The following SLCO1A2 variants were observed in gnomAD, a reference collection of about 807,000 sequenced individuals.
SLCO1A2 encodes solute carrier organic anion transporter family member 1A2.
A neutral mutation model predicts 69.0 loss-of-function variants in SLCO1A2; 67 were observed. That is an observed-to-expected ratio of 0.97 (90% CI 0.80 to 1.19). SLCO1A2 has a LOEUF of 1.19. SLCO1A2 is among the 50% of genes most tolerant of loss of function. The pLI, the probability that SLCO1A2 is intolerant of heterozygous loss-of-function variation, is 0.00. For missense variants in SLCO1A2, 787 were observed against 793.7 expected (o/e 0.99, Z 0.10); for synonymous variants, 260 against 265.9 (o/e 0.98, Z 0.22).
intron 13 of SLCO1A2, chr12:21,274,862 G>T: frequency 1.1e-6 from 1 of 949,556 alleles, no homozygotes. Flanking sequence ...TAAATGTTTT[G>T]GGCCAGTTAT....
intron 1 of SLCO1A2, among the ~76,000 whole-genome samples, chr12:21,381,547 C>T (rs747941815): frequency 9.2e-5 from 14 of 152,096 alleles, no homozygotes; most frequent in Admixed American, 8.5e-4. Flanking sequence ...GCTGTAATCC[C>T]GGCACTTTGG....
At chr12:21,296,720 C>T (rs1458797393) in intron 9 of SLCO1A2, among the ~76,000 whole-genome samples, 1 of 152,132 alleles carries the variant, frequency 6.6e-6, no homozygotes, top group East Asian at 1.9e-4. Flanking sequence ...TCTGGCTCCC[C>T]GAATCATATT....
chr12:21,288,442 G>GA (rs1371853199), intron 12 of SLCO1A2, among the ~76,000 whole-genome samples: 7 of 151,296 alleles, frequency 4.6e-5, no homozygotes, highest in South Asian at 2.1e-4. Flanking sequence ...CTCCATCTGA[G>GA]AAAAAAAAGA....
intron 14 of SLCO1A2, among the ~76,000 whole-genome samples, chr12:21,272,582 T>C (rs1221177874): frequency 6.6e-6 from 1 of 152,102 alleles, no homozygotes; most frequent in Non-Finnish European, 1.5e-5. Flanking sequence ...GTTGAAATCA[T>C]TAATATAACT....
chr12:21,273,161 C>CAGTT (rs1393001304), intron 14 of SLCO1A2, among the ~76,000 whole-genome samples: 3 of 152,252 alleles, frequency 2.0e-5, no homozygotes, highest in East Asian at 1.9e-4. Flanking sequence ...ATTTGGGCTG[C>CAGTT]AGTTAGAAAG....
At chr12:21,360,681 C>A (rs1410440621) in intron 2 of SLCO1A2, among the ~76,000 whole-genome samples, 1 of 152,178 alleles carries the variant, frequency 6.6e-6, no homozygotes, top group African/African-American at 2.4e-5. Flanking sequence ...TCGGGACACT[C>A]CCACCCTAAT....
At position 21,275,353 on chromosome 12, in the gene SLCO1A2, T is replaced by C. The variant is rs1248712286; in HGVS notation, c.1675+7A>G. The C allele has an allele frequency of 6.4e-7, 1 of 1,553,352 alleles. No individual in the cohort carries two copies. The highest frequency in any genetic ancestry group is 1.7e-5 in the Admixed American group (1 of 57,690). ...GATAGGATGTGGGAAAAAATAACTA[T>C]TTTTACCAAATACTCTTGTGCAAAA... On this transcript the variant is annotated splice_region_variant and intron_variant, in intron 13 of 14. Transcript: ENST00000683939.
chr12:21,274,680 G>T (rs1282438523), intron 13 of SLCO1A2, 94 bp from the exon 14 acceptor site: 3 of 895,070 alleles, frequency 3.4e-6, no homozygotes, highest in South Asian at 1.6e-5. Context: ...GTACGGCAAA[G>T]TTTATCAAAA....
chr12:21,300,219 T>G, intron 8 of SLCO1A2, 129 bp downstream of exon 8: 1 of 589,268 alleles, frequency 1.7e-6, no homozygotes, highest in Admixed American at 3.5e-5. Context: ...TTAGGTATTC[T>G]TGACTGGTGA....
intron 2 of SLCO1A2, among the ~76,000 whole-genome samples, chr12:21,348,787 G>A (rs2137004894): frequency 6.6e-6 from 1 of 152,186 alleles, no homozygotes; most frequent in Non-Finnish European, 1.5e-5. Context: ...ATCTTCCATG[G>A]AGCACAGGGG....
intron 5 of SLCO1A2, among the ~76,000 whole-genome samples, chr12:21,305,459 C>G (rs1949250481): frequency 6.6e-6 from 1 of 152,324 alleles, no homozygotes; most frequent in South Asian, 2.1e-4. Context: ...TGAGTGCTAT[C>G]TCTCCATTAT....
intron 13 of SLCO1A2, chr12:21,274,991 T>C (rs754827569): frequency 1.9e-5 from 19 of 1,025,838 alleles, no homozygotes; most frequent in Non-Finnish European, 1.9e-5. Context: ...CTCTATCTCT[T>C]TGTGTGCTGC....
At chr12:21,317,229 G>GGC (rs1433784524) in intron 3 of SLCO1A2, among the ~76,000 whole-genome samples, 1 of 152,068 alleles carries the variant, frequency 6.6e-6, no homozygotes, top group African/African-American at 2.4e-5. Flanking sequence ...TGCCATAGCA[G>GGC]GCACACAAAG....
At position 21,269,502 on chromosome 12, in the gene SLCO1A2, G is replaced by T. The variant is rs917928176; in HGVS notation, c.*46C>A. On this transcript the variant is annotated 3_prime_UTR_variant, in exon 15 of 15. Coordinates refer to ENST00000683939, the MANE Select transcript of SLCO1A2 (RefSeq NM_001386879.1). Reference sequence around the variant, plus strand: ...TACTGATTTTTAAAACAATTAAGTTGTACAGCATGTTCTCTAATTCTGAAA... The same window carrying T: ...TACTGATTTTTAAAACAATTAAGTTTTACAGCATGTTCTCTAATTCTGAAA... 2 of 1,406,834 alleles carry T rather than the reference G, an allele frequency of 1.4e-6. No individual in the cohort carries two copies. Among genetic ancestry groups the T allele is most frequent in the Non-Finnish European group, 2.0e-6 (2 of 1,004,072 alleles). The allele number at this position is 1,406,834 out of a possible 1,614,324, so 87.1% of individuals were successfully genotyped here. A position where few individuals can be genotyped will look rare whatever the true frequency, so the allele number is the denominator to read the frequency against.
At chr12:21,285,714 C>A (rs1945645303) in intron 12 of SLCO1A2, among the ~76,000 whole-genome samples, 2 of 146,698 alleles carry the variant, frequency 1.4e-5, no homozygotes, top group East Asian at 4.1e-4. Context: ...ATACGCAAAT[C>A]AATAAATGTA....
In SLCO1A2 at chr12:21,307,109, CT is replaced by C. The variant is rs1949511650; in HGVS notation, c.336-122del. 2.3e-5 allele frequency: 14 copies of C among 597,668 alleles called. No homozygotes were observed. The South Asian group carries it at 4.2e-4, about 18-fold the overall frequency. The allele number at this position is 597,668 out of a possible 1,614,324, so 37.0% of individuals were successfully genotyped here. A position where few individuals can be genotyped will look rare whatever the true frequency, so the allele number is the denominator to read the frequency against. Reference sequence around the variant, plus strand: ...CAATATCCAAATCCAGTAAAAATGGCTTTTCATCCTTGGCATCCAAGTTATC... The same window carrying C: ...CAATATCCAAATCCAGTAAAAATGGCTTTCATCCTTGGCATCCAAGTTATC... On this transcript the variant is annotated intron_variant, in intron 4 of 14. Coordinates refer to ENST00000683939, the MANE Select transcript of SLCO1A2 (RefSeq NM_001386879.1).
At chr12:21,398,895 A>G (rs1291136603), upstream of SLCO1A2, among the ~76,000 whole-genome samples, 1 of 150,304 alleles carries the variant, frequency 6.7e-6, no homozygotes, top group Non-Finnish European at 1.5e-5. Flanking sequence ...AGAGCTATCT[A>G]TGACAAACCC....
chr12:21,355,371 T>A (rs1938283774), intron 2 of SLCO1A2, among the ~76,000 whole-genome samples: 1 of 152,178 alleles, frequency 6.6e-6, no homozygotes, highest in South Asian at 2.1e-4. Context: ...TTTTTATGGC[T>A]AAGCTCACAG....
At chr12:21,280,849 C>T (rs1944666780) in intron 12 of SLCO1A2, among the ~76,000 whole-genome samples, 1 of 151,844 alleles carries the variant, frequency 6.6e-6, no homozygotes, top group Non-Finnish European at 1.5e-5. Flanking sequence ...GCTCACAAAC[C>T]AAGTCTTAAA....
Sources: allele counts gnomAD v4.1 joint callset (sites outside exome capture counted in the v4.1 genomes callset), GRCh38; gene constraint gnomAD v4.1.1; transcripts MANE v1.5; gene names NCBI Gene and HGNC (gene_info 2026-07-23, HGNC 2026-07-21).